SRRM4: variants seen among roughly 807,000 people sequenced by gnomAD.
SRRM4 encodes serine/arginine repetitive matrix protein 4.
A neutral mutation model predicts 68.9 loss-of-function variants in SRRM4; 33 were observed. That is an observed-to-expected ratio of 0.48 (90% CI 0.36 to 0.64). The LOEUF is 0.64. Among genes scored for constraint, SRRM4 ranks in the 30% least tolerant of loss-of-function variants. The probability of loss-of-function intolerance (pLI) is 0.00; values close to 1 mark genes in which losing one functional copy is unlikely to be tolerated. For synonymous variants in SRRM4, 318 were observed against 318.8 expected (o/e 1.00, Z 0.03); for missense variants, 817 against 827.1 (o/e 0.99, Z 0.15).
At chr12:119,064,767 C>T (rs1040321666) in intron 1 of SRRM4, among the ~76,000 whole-genome samples, 4 of 152,146 alleles carry the variant, frequency 2.6e-5, no homozygotes, top group African/African-American at 9.7e-5. Flanking sequence ...AAGAGCTTCT[C>T]CTCCTTGCTC....
At chr12:119,021,045 C>A (rs2136001717) in intron 1 of SRRM4, among the ~76,000 whole-genome samples, 1 of 152,194 alleles carries the variant, frequency 6.6e-6, no homozygotes, top group East Asian at 1.9e-4. Context: ...TCTTTCTGAG[C>A]CTTAGTTTCC....
At chr12:119,096,665 C>T (rs952491480) in intron 1 of SRRM4, among the ~76,000 whole-genome samples, 11 of 152,226 alleles carry the variant, frequency 7.2e-5, no homozygotes, top group African/African-American at 2.7e-4. Context: ...GCCTCCCTTT[C>T]TCCACTCTGT....
intron 1 of SRRM4, among the ~76,000 whole-genome samples, chr12:118,997,223 G>T (rs373146223): frequency 6.6e-6 from 1 of 152,246 alleles, no homozygotes; most frequent in South Asian, 2.1e-4. Context: ...GAGGAGTGGG[G>T]TAAACATTCT....
chr12:119,125,804 C>G (rs1373373547), intron 7 of SRRM4, among the ~76,000 whole-genome samples: 1 of 151,774 alleles, frequency 6.6e-6, no homozygotes, highest in Non-Finnish European at 1.5e-5. Flanking sequence ...ACCTTTAATT[C>G]CAGCTACTCT....
chr12:119,067,755 A>G (rs1237353750), intron 1 of SRRM4, among the ~76,000 whole-genome samples: 2 of 152,172 alleles, frequency 1.3e-5, no homozygotes, highest in Non-Finnish European at 2.9e-5. Flanking sequence ...AGAGGTCAAC[A>G]AGCCTGGAAT....
rs1953915187 is a variant in SRRM4, at chr12:119,076,204, C to T, written c.132-26032C>T. On this transcript the variant is annotated intron_variant, in intron 1 of 12. Transcript: ENST00000267260. ...ATAATGACAGTGATGACAATGACAG[C>T]TGCCATTTATTGAGGGTTTACTATA... is the stretch of plus-strand genomic sequence containing the variant. Among the ~76,000 whole-genome samples the T allele has an allele frequency of 2.6e-5, 4 of 152,138 alleles. No homozygotes were observed. The South Asian group carries it at 8.3e-4, about 32-fold the overall frequency.
chr12:119,117,771 G>GCT (rs1352995204), intron 4 of SRRM4, among the ~76,000 whole-genome samples: 2 of 152,126 alleles, frequency 1.3e-5, no homozygotes, highest in African/African-American at 4.8e-5. Flanking sequence ...AATTAGCCAG[G>GCT]TGTGGTGGCA....
At chr12:119,138,952 G>A (rs1954347503) in intron 8 of SRRM4, among the ~76,000 whole-genome samples, 1 of 152,096 alleles carries the variant, frequency 6.6e-6, no homozygotes. Context: ...CTCTTAAAAG[G>A]GGGTCCTGGG....
chr12:119,047,352 A>G (rs928097200), intron 1 of SRRM4, among the ~76,000 whole-genome samples: 1 of 152,040 alleles, frequency 6.6e-6, no homozygotes, highest in Non-Finnish European at 1.5e-5. Context: ...TAATTTCAAT[A>G]GGTTTTTGGG....
At chr12:119,088,725 C>T (rs569305153) in intron 1 of SRRM4, among the ~76,000 whole-genome samples, 64 of 152,078 alleles carry the variant, frequency 4.2e-4, no homozygotes, top group Non-Finnish European at 6.8e-4. Context: ...GATAGTTAAG[C>T]TGAGATATGA....
intron 8 of SRRM4, among the ~76,000 whole-genome samples, chr12:119,133,996 G>A (rs982795120): frequency 6.6e-6 from 1 of 152,136 alleles, no homozygotes; most frequent in African/African-American, 2.4e-5. Flanking sequence ...CTAAGGGTGA[G>A]CCAATGAAGG....
At chr12:119,139,998 A>T (rs1166580798) in intron 8 of SRRM4, among the ~76,000 whole-genome samples, 1 of 152,230 alleles carries the variant, frequency 6.6e-6, no homozygotes, top group Non-Finnish European at 1.5e-5. Context: ...TTGTGCATCC[A>T]TCTCCTCAAG....
Position 119,005,994 on chromosome 12 carries a change from T to A in SRRM4, c.131+23981T>A, listed in dbSNP as rs527983903. Among the ~76,000 whole-genome samples, 47 of 152,326 alleles carry A rather than the reference T, an allele frequency of 3.1e-4. 1 individual carries two copies. The highest frequency in any genetic ancestry group is 7.0e-4 in the African/African-American group (29 of 41,582). On this transcript the variant is annotated intron_variant, in intron 1 of 12. Coordinates refer to ENST00000267260, the MANE Select transcript of SRRM4 (RefSeq NM_194286.4). ...GGTCTCACAGCCCCTGGTCATCTAT[T>A]GTCCAGGAAGCTGTGAGATTCCAAT...
intron 1 of SRRM4, among the ~76,000 whole-genome samples, chr12:119,000,393 C>T (rs1437069495): frequency 1.3e-5 from 2 of 152,178 alleles, no homozygotes; most frequent in Non-Finnish European, 2.9e-5. Context: ...TTATTCTTAG[C>T]ATCCCCTTTG....
intron 1 of SRRM4, among the ~76,000 whole-genome samples, chr12:119,025,123 G>A (rs907945242): frequency 1.3e-5 from 2 of 152,196 alleles, no homozygotes; most frequent in African/African-American, 4.8e-5. Flanking sequence ...ATTAGGGTGT[G>A]TGTGTGTGTG....
chr12:118,984,191 C>T (rs1953267254), intron 1 of SRRM4, among the ~76,000 whole-genome samples: 2 of 152,156 alleles, frequency 1.3e-5, no homozygotes, highest in African/African-American at 2.4e-5. Flanking sequence ...CTGGATAAAA[C>T]CTGAATCATC....
intron 1 of SRRM4, among the ~76,000 whole-genome samples, chr12:119,039,613 C>T (rs1953652345): frequency 6.6e-6 from 1 of 152,086 alleles, no homozygotes; most frequent in Admixed American, 6.5e-5. Context: ...CCCAGGATGC[C>T]CCTCAGTCTT....
intron 1 of SRRM4, among the ~76,000 whole-genome samples, chr12:119,009,335 G>A (rs190399198): frequency 1.8e-3 from 273 of 152,232 alleles, no homozygotes; most frequent in Non-Finnish European, 3.1e-3. Context: ...GGGATGGGAC[G>A]CACAAGCCGA....
At chr12:119,084,058 G>T (rs12099764) in intron 1 of SRRM4, among the ~76,000 whole-genome samples, 1 of 151,950 alleles carries the variant, frequency 6.6e-6, no homozygotes, top group Non-Finnish European at 1.5e-5. Context: ...CACAGCAAGC[G>T]CTATTACACT....
Sources: gnomAD v4.1 joint callset for allele counts (sites outside exome capture counted in the v4.1 genomes callset) on GRCh38, gnomAD v4.1.1 for gene constraint, MANE v1.5 for transcripts, NCBI Gene and HGNC (gene_info 2026-07-23, HGNC 2026-07-21) for gene names.